The following EYA2 variants were observed in gnomAD, a reference collection of about 807,000 sequenced individuals.
EYA2 encodes the protein protein phosphatase EYA2.
A neutral mutation model predicts 69.2 loss-of-function variants in EYA2; 31 were observed. The ratio of observed to expected loss-of-function variants is 0.45; its 90% CI spans 0.34 to 0.60. The LOEUF (loss-of-function observed/expected upper bound fraction) is 0.60. Among genes scored for constraint, EYA2 ranks in the 20% least tolerant of loss-of-function variants. The pLI, the probability that EYA2 is intolerant of heterozygous loss-of-function variation, is 0.02. For synonymous variants in EYA2, 257 were observed against 279.4 expected (o/e 0.92, Z 0.80); for missense variants, 622 against 701.2 (o/e 0.89, Z 1.28).
intron 5 of EYA2, among the ~76,000 whole-genome samples, chr20:47,039,997 C>T (rs1984958592): frequency 6.6e-6 from 1 of 151,908 alleles, no homozygotes; most frequent in South Asian, 2.1e-4. Context: ...CCCGCCACCA[C>T]ACCCAGCTAA....
chr20:47,031,480 C>T (rs2146398009), intron 5 of EYA2, among the ~76,000 whole-genome samples: 1 of 152,268 alleles, frequency 6.6e-6, no homozygotes. Flanking sequence ...CTGACCTGTC[C>T]CTAGCTCTCC....
intron 7 of EYA2, among the ~76,000 whole-genome samples, chr20:47,074,678 A>G (rs927675158): frequency 6.6e-6 from 1 of 152,240 alleles, no homozygotes; most frequent in Non-Finnish European, 1.5e-5. Context: ...CACATTCCCA[A>G]GGAACACCAC....
chr20:47,165,414 T>C (rs1056916292), intron 10 of EYA2, among the ~76,000 whole-genome samples: 1 of 152,148 alleles, frequency 6.6e-6, no homozygotes, highest in African/African-American at 2.4e-5. Context: ...CTCCCCCACT[T>C]CCCAGTGAGT....
chr20:47,090,997 G>A (rs757794027), intron 8 of EYA2, among the ~76,000 whole-genome samples: 3 of 152,140 alleles, frequency 2.0e-5, no homozygotes, highest in Non-Finnish European at 2.9e-5. Context: ...AGGTGTCTCG[G>A]TAGGATTGTC....
intron 1 of EYA2, among the ~76,000 whole-genome samples, chr20:46,924,619 G>A (rs1439338145): frequency 2.3e-5 from 3 of 130,706 alleles, no homozygotes; most frequent in African/African-American, 6.1e-5. Flanking sequence ...GCAGTGAGCC[G>A]AAATCGCGCC....
intron 9 of EYA2, among the ~76,000 whole-genome samples, chr20:47,120,552 G>A (rs1225560283): frequency 6.6e-6 from 1 of 152,150 alleles, no homozygotes; most frequent in African/African-American, 2.4e-5. Flanking sequence ...TTCTTGCCAT[G>A]GTGTCTGTTG....
chr20:46,950,126 G>A (rs536821754), intron 1 of EYA2, among the ~76,000 whole-genome samples: 11 of 152,302 alleles, frequency 7.2e-5, no homozygotes, highest in African/African-American at 2.6e-4. Context: ...ATCCAGGCTC[G>A]TTTAAAGGTG....
At chr20:47,150,371 A>G (rs2033799240) in intron 10 of EYA2, among the ~76,000 whole-genome samples, 1 of 152,220 alleles carries the variant, frequency 6.6e-6, no homozygotes, top group Non-Finnish European at 1.5e-5. Context: ...AGTACAACAC[A>G]GATCTGTTTC....
intron 13 of EYA2, among the ~76,000 whole-genome samples, chr20:47,180,601 G>A (rs1009309063): frequency 6.6e-6 from 1 of 152,156 alleles, no homozygotes; most frequent in South Asian, 2.1e-4. Context: ...TATAAGAAAA[G>A]TATTCCCCCC....
In EYA2 at chr20:47,019,250, G is replaced by A. The variant is rs116551657; in HGVS notation, c.415+2953G>A. 9.5e-3 allele frequency among the ~76,000 whole-genome samples: 1,444 copies of A among 152,166 alleles called. 17 individuals carry two copies. The highest frequency in any genetic ancestry group is 0.031 in the African/African-American group (1,298 of 41,506). Reference sequence around the variant, plus strand: ...CTCTTCTCGCCCTACCATGGGAATCGTCCAGGTTATTTTCTTATCCTCCTC... The same window carrying A: ...CTCTTCTCGCCCTACCATGGGAATCATCCAGGTTATTTTCTTATCCTCCTC... On this transcript the variant is annotated intron_variant, in intron 5 of 15. Coordinates refer to ENST00000327619, the MANE Select transcript of EYA2 (RefSeq NM_005244.5).
chr20:47,067,107 C>T (rs1172115965), intron 5 of EYA2, among the ~76,000 whole-genome samples: 1 of 152,182 alleles, frequency 6.6e-6, no homozygotes, highest in Non-Finnish European at 1.5e-5. Context: ...TGAAAATAAA[C>T]AAGAGACTAT....
intron 1 of EYA2, among the ~76,000 whole-genome samples, chr20:46,926,365 G>A (rs1942596951): frequency 6.6e-6 from 1 of 152,200 alleles, no homozygotes; most frequent in Non-Finnish European, 1.5e-5. Flanking sequence ...CAAGCCAGTG[G>A]TGTAATTCTG....
intron 2 of EYA2, among the ~76,000 whole-genome samples, chr20:46,995,360 T>C (rs1981951343): frequency 6.6e-6 from 1 of 152,220 alleles, no homozygotes; most frequent in South Asian, 2.1e-4. Context: ...GGAGTATTTA[T>C]AGACTCCCTA....
intron 11 of EYA2, among the ~76,000 whole-genome samples, chr20:47,171,053 C>T (rs368992153): frequency 1.3e-5 from 2 of 152,236 alleles, no homozygotes; most frequent in East Asian, 1.9e-4. Context: ...CCAGCCCCAC[C>T]AGGACTTCTC....
At chr20:47,126,789 AT>A in intron 9 of EYA2, among the ~76,000 whole-genome samples, 1 of 152,268 alleles carries the variant, frequency 6.6e-6, no homozygotes, top group South Asian at 2.1e-4. Flanking sequence ...GTCTGGAGAC[AT>A]TTTTGACTGT....
chr20:47,095,584 C>G (rs1053679063), intron 8 of EYA2, among the ~76,000 whole-genome samples: 5 of 151,004 alleles, frequency 3.3e-5, no homozygotes, highest in African/African-American at 1.2e-4. Context: ...CTTTAAAATT[C>G]TAGAAAGAAA....
intron 5 of EYA2, among the ~76,000 whole-genome samples, chr20:47,026,186 A>ATC (rs1984071630): frequency 1.3e-5 from 2 of 152,234 alleles, no homozygotes; most frequent in African/African-American, 4.8e-5. Context: ...GTCAGTGGGA[A>ATC]AATATGAACT....
chr20:46,981,946 A>G (rs565103036), intron 1 of EYA2, among the ~76,000 whole-genome samples: 1 of 152,220 alleles, frequency 6.6e-6, no homozygotes, highest in East Asian at 1.9e-4. Context: ...TACATTTATT[A>G]TTATTCTTTA....
intron 5 of EYA2, among the ~76,000 whole-genome samples, chr20:47,035,584 G>T (rs537493954): frequency 6.6e-6 from 1 of 152,146 alleles, no homozygotes; most frequent in African/African-American, 2.4e-5. Context: ...GGCAGCTTGG[G>T]ACCCTGAGGC....
Sources: allele counts gnomAD v4.1 joint callset (sites outside exome capture counted in the v4.1 genomes callset), GRCh38; gene constraint gnomAD v4.1.1; transcripts MANE v1.5; gene names NCBI Gene and HGNC (gene_info 2026-07-23, HGNC 2026-07-21).